Variants in CSMD1 observed in about 807,000 individuals in gnomAD.
CSMD1 encodes CUB and sushi domain-containing protein 1.
In CSMD1, 213 loss-of-function variants were observed where a neutral mutation model predicts 417.5. The observed-to-expected ratio is 0.51, with a 90% CI of 0.46 to 0.57. The LOEUF is 0.57. Among genes scored for constraint, CSMD1 ranks in the 20% least tolerant of loss-of-function variants. The pLI is 0.00. For synonymous variants in CSMD1, 2,862 were observed against 1,736.8 expected (o/e 1.65, Z -16.11); for missense variants, 6,923 against 4,529.7 (o/e 1.53, Z -15.17).
chr8:4,441,760 C>A (rs1362273759), intron 2 of CSMD1, among the ~76,000 whole-genome samples: 1 of 152,004 alleles, frequency 6.6e-6, no homozygotes, highest in Non-Finnish European at 1.5e-5. Flanking sequence ...CATTGCAGTC[C>A]ATTTGACTGA....
At chr8:3,150,956 G>C (rs928751332) in intron 40 of CSMD1, among the ~76,000 whole-genome samples, 1 of 151,830 alleles carries the variant, frequency 6.6e-6, no homozygotes. Context: ...GTAATATATA[G>C]CAAAAATGTA....
At chr8:4,572,673 G>A (rs138597203) in intron 2 of CSMD1, among the ~76,000 whole-genome samples, 2 of 152,222 alleles carry the variant, frequency 1.3e-5, no homozygotes, top group Non-Finnish European at 2.9e-5. Context: ...TGTCTTGCTA[G>A]AGTGAGGAAG....
At chr8:4,946,208 T>C (rs1808359088) in intron 1 of CSMD1, among the ~76,000 whole-genome samples, 1 of 152,336 alleles carries the variant, frequency 6.6e-6, no homozygotes, top group Non-Finnish European at 1.5e-5. Context: ...ACATACTTAA[T>C]TTATGGATCT....
chr8:4,730,792 G>C (rs924985971), intron 1 of CSMD1, among the ~76,000 whole-genome samples: 3 of 151,874 alleles, frequency 2.0e-5, no homozygotes, highest in African/African-American at 7.3e-5. Flanking sequence ...AATGAATAGA[G>C]ACGGAGAAGT....
chr8:3,845,209 C>T (rs1803417626), intron 5 of CSMD1, among the ~76,000 whole-genome samples: 2 of 152,176 alleles, frequency 1.3e-5, no homozygotes, highest in Admixed American at 6.5e-5. Flanking sequence ...TGCAACTATG[C>T]ATCTCCTAAC....
At chr8:3,650,104 C>T (rs189215303) in intron 7 of CSMD1, among the ~76,000 whole-genome samples, 1 of 152,020 alleles carries the variant, frequency 6.6e-6, no homozygotes, top group African/African-American at 2.4e-5. Flanking sequence ...CATGGTGAAA[C>T]CTTGTCTCTA....
intron 1 of CSMD1, among the ~76,000 whole-genome samples, chr8:4,880,633 C>T (rs376763800): frequency 1.8e-4 from 28 of 152,060 alleles, no homozygotes; most frequent in African/African-American, 5.8e-4. Context: ...TTACTCAGTT[C>T]GAAGCGTCCC....
intron 1 of CSMD1, among the ~76,000 whole-genome samples, chr8:4,792,108 G>T (rs764393387): frequency 1.3e-5 from 2 of 152,152 alleles, no homozygotes; most frequent in African/African-American, 4.8e-5. Context: ...CCCTTCCTCC[G>T]TATTTTCTAA....
chr8:4,842,124 C>G (rs1800881655), intron 1 of CSMD1, among the ~76,000 whole-genome samples: 1 of 152,088 alleles, frequency 6.6e-6, no homozygotes, highest in Non-Finnish European at 1.5e-5. Context: ...GTGCAAGGCA[C>G]CAGCCAAACC....
chr8:4,409,148 T>C (rs1445764563), intron 3 of CSMD1, among the ~76,000 whole-genome samples: 1 of 152,230 alleles, frequency 6.6e-6, no homozygotes, highest in Non-Finnish European at 1.5e-5. Flanking sequence ...ACTATACCTG[T>C]ATTTTACAAA....
At chr8:3,332,803 C>T (rs1806992412) in intron 23 of CSMD1, among the ~76,000 whole-genome samples, 1 of 152,230 alleles carries the variant, frequency 6.6e-6, no homozygotes, top group African/African-American at 2.4e-5. Flanking sequence ...TCACCTCCTG[C>T]TGCTCCAACC....
intron 57 of CSMD1, among the ~76,000 whole-genome samples, chr8:2,972,832 C>A (rs1804574523): frequency 6.6e-6 from 1 of 152,178 alleles, no homozygotes; most frequent in African/African-American, 2.4e-5. Context: ...CTAGAAAACA[C>A]TGGCAACACC....
chr8:2,951,278 G>C lies in CSMD1; in HGVS notation c.10040-3C>G. ...GACGAAAAAGACATCTGAAGGAACT[G>C]TGGGAAGGGGGGAAACAGACCAATG... On this transcript the variant is annotated splice_region_variant and splice_polypyrimidine_tract_variant and intron_variant, in intron 65 of 69. Coordinates refer to ENST00000635120, the MANE Select transcript of CSMD1 (RefSeq NM_033225.6). 1 of 1,598,948 alleles carries C rather than the reference G, an allele frequency of 6.3e-7. No homozygotes were observed. The highest frequency in any genetic ancestry group is 8.5e-7 in the Non-Finnish European group (1 of 1,172,096).
In CSMD1 at chr8:2,983,298, T is replaced by C. The variant is rs139409387; in HGVS notation, c.8378-4498A>G. On this transcript the variant is annotated intron_variant, in intron 54 of 69. Coordinates refer to ENST00000635120, the MANE Select transcript of CSMD1 (RefSeq NM_033225.6). Reference sequence around the variant, plus strand: ...ACCTGCTGGATTCACGCCATTCTCCTGCCTCAGCCTCCCGAGTAGCTGGTA... The same window carrying C: ...ACCTGCTGGATTCACGCCATTCTCCCGCCTCAGCCTCCCGAGTAGCTGGTA... Among the ~76,000 whole-genome samples the C allele has an allele frequency of 9.3e-3, 1,412 of 152,230 alleles. 17 individuals carry two copies. The highest frequency in any genetic ancestry group is 0.033 in the African/African-American group (1,365 of 41,542).
chr8:3,934,946 T>G (rs1009932958), intron 5 of CSMD1, among the ~76,000 whole-genome samples: 1 of 152,106 alleles, frequency 6.6e-6, no homozygotes, highest in Non-Finnish European at 1.5e-5. Context: ...CATATAAAAG[T>G]AATATTTACA....
At chr8:3,315,002 G>C (rs1805642351) in intron 23 of CSMD1, among the ~76,000 whole-genome samples, 1 of 152,118 alleles carries the variant, frequency 6.6e-6, no homozygotes, top group Admixed American at 6.6e-5. Context: ...AAGGAATACT[G>C]GTCATTTTTG....
chr8:3,052,988 G>T (rs902798114), intron 49 of CSMD1, among the ~76,000 whole-genome samples: 1 of 151,928 alleles, frequency 6.6e-6, no homozygotes, highest in African/African-American at 2.4e-5. Flanking sequence ...ATTTATGTTG[G>T]CCAGGCTGGT....
At chr8:3,451,394 G>T (rs866736863) in intron 12 of CSMD1, among the ~76,000 whole-genome samples, 1 of 152,014 alleles carries the variant, frequency 6.6e-6, no homozygotes, top group Middle Eastern at 3.2e-3. Flanking sequence ...CTTGCCCATG[G>T]CTATGTCCTG....
In CSMD1 at chr8:3,764,964, C is replaced by A. The variant is rs2623646; in HGVS notation, c.819-10922G>T. Among the ~76,000 whole-genome samples the A allele has an allele frequency of 9.9e-5, 15 of 151,712 alleles. 1 individual carries two copies. Among genetic ancestry groups the A allele is most frequent in the Admixed American group, 7.2e-4 (11 of 15,240 alleles). The stretch of plus-strand genomic sequence containing the variant: ...TTTCACATGTTGACCAGGCTGGTCT[C>A]GAACTCCTGACCTCAGGTGATCTGC... On this transcript the variant is annotated intron_variant, in intron 5 of 69. Transcript: ENST00000635120.
Sources: gnomAD v4.1 joint callset for allele counts (sites outside exome capture counted in the v4.1 genomes callset) on GRCh38, gnomAD v4.1.1 for gene constraint, MANE v1.5 for transcripts, NCBI Gene and HGNC (gene_info 2026-07-23, HGNC 2026-07-21) for gene names.